ENTREP2: variants seen among roughly 807,000 people sequenced by gnomAD.
The protein encoded by ENTREP2 is protein ENTREP2.
the ENTREP2 span, among the ~76,000 whole-genome samples, chr15:29,416,750 T>C: frequency 2.6e-5 from 4 of 152,198 alleles, no homozygotes; most frequent in African/African-American, 9.7e-5. Context: ...TCTACTCATC[T>C]GACAAAGGGC....
chr15:29,493,123 C>CA, the ENTREP2 span, among the ~76,000 whole-genome samples: 1 of 131,596 alleles, frequency 7.6e-6, no homozygotes, highest in Non-Finnish European at 1.5e-5. Context: ...TCCCTGACAA[C>CA]CCTTTTTTTT....
chr15:29,263,207 C>T, the ENTREP2 span, among the ~76,000 whole-genome samples: 1 of 152,124 alleles, frequency 6.6e-6, no homozygotes, highest in Admixed American at 6.5e-5. Flanking sequence ...TAAAAATCTA[C>T]CCACAAAAAA....
the ENTREP2 span, among the ~76,000 whole-genome samples, chr15:29,231,636 A>C: frequency 6.6e-6 from 1 of 152,132 alleles, no homozygotes; most frequent in Non-Finnish European, 1.5e-5. Context: ...GAGTAGTTAT[A>C]AACAGTAGTC....
chr15:29,132,624 A>G, the ENTREP2 span, among the ~76,000 whole-genome samples: 1 of 152,234 alleles, frequency 6.6e-6, no homozygotes, highest in Non-Finnish European at 1.5e-5. Flanking sequence ...GTTCTGGAGA[A>G]GGGTGTCGCA....
chr15:29,229,196 A>G, the ENTREP2 span, among the ~76,000 whole-genome samples: 2 of 128,066 alleles, frequency 1.6e-5, no homozygotes, highest in South Asian at 6.2e-4. Context: ...ATATGCTTAA[A>G]TAATCATTAG....
At chr15:29,347,515 T>C in the ENTREP2 span, among the ~76,000 whole-genome samples, 1 of 152,136 alleles carries the variant, frequency 6.6e-6, no homozygotes, top group Non-Finnish European at 1.5e-5. Context: ...TTCACTATTT[T>C]TTCTACAGGA....
the ENTREP2 span, among the ~76,000 whole-genome samples, chr15:29,224,602 C>T: frequency 6.6e-6 from 1 of 152,182 alleles, no homozygotes; most frequent in African/African-American, 2.4e-5. Context: ...TAGCTAGATA[C>T]AGAGTGTCCA....
At chr15:29,294,763 C>G in the ENTREP2 span, among the ~76,000 whole-genome samples, 1 of 152,180 alleles carries the variant, frequency 6.6e-6, no homozygotes, top group African/African-American at 2.4e-5. Context: ...TTCTTTTCCA[C>G]AAGGAGATTG....
At chr15:29,636,597 G>C in the ENTREP2 span, among the ~76,000 whole-genome samples, 3 of 152,202 alleles carry the variant, frequency 2.0e-5, no homozygotes, top group Non-Finnish European at 4.4e-5. Flanking sequence ...CAGGACTTTA[G>C]AGAAGCAAGA....
the ENTREP2 span, among the ~76,000 whole-genome samples, chr15:29,417,481 C>T: frequency 4.1e-3 from 619 of 152,084 alleles, 1 homozygote; most frequent in South Asian, 6.4e-3. Context: ...CATCACACAC[C>T]GGGGACTGCT....
At chr15:29,581,643 A>T in the ENTREP2 span, among the ~76,000 whole-genome samples, 2 of 152,198 alleles carry the variant, frequency 1.3e-5, no homozygotes, top group African/African-American at 4.8e-5. Flanking sequence ...AACATAGTAA[A>T]GATGTAAATT....
the ENTREP2 span, among the ~76,000 whole-genome samples, chr15:29,231,572 G>C: frequency 3.9e-5 from 6 of 152,108 alleles, no homozygotes; most frequent in Non-Finnish European, 1.5e-5. Context: ...ATCTCTGATA[G>C]TGATATAGTA....
the ENTREP2 span, among the ~76,000 whole-genome samples, chr15:29,547,747 C>A: frequency 6.6e-6 from 1 of 152,190 alleles, no homozygotes; most frequent in South Asian, 2.1e-4. Flanking sequence ...GGATATATAT[C>A]GAAAAAATGG....
chr15:29,649,743 AAAGAAAGAAAG>A, the ENTREP2 span, among the ~76,000 whole-genome samples: 294 of 150,722 alleles, frequency 2.0e-3, 3 homozygotes, highest in African/African-American at 6.9e-3. Context: ...AAAAAAAAAA[AAAGAAAGAAAG>A]AAAGAAAAAA....
the ENTREP2 span, among the ~76,000 whole-genome samples, chr15:29,166,318 C>A: frequency 1.3e-5 from 2 of 152,124 alleles, no homozygotes; most frequent in African/African-American, 4.8e-5. Flanking sequence ...AAGTCCTAGC[C>A]AGAGTAATCA....
the ENTREP2 span, among the ~76,000 whole-genome samples, chr15:29,672,592 A>G: frequency 6.6e-5 from 10 of 152,088 alleles, no homozygotes; most frequent in South Asian, 4.1e-4. Context: ...TAATTGCCCA[A>G]TGGGCTCTCC....
At chr15:29,149,197 G>T in the ENTREP2 span, among the ~76,000 whole-genome samples, 4 of 152,008 alleles carry the variant, frequency 2.6e-5, no homozygotes, top group Non-Finnish European at 5.9e-5. Context: ...AGCATTTATC[G>T]CAACCGCCAT....
the ENTREP2 span, among the ~76,000 whole-genome samples, chr15:29,309,333 G>A: frequency 0.17 from 26,355 of 152,016 alleles, 3,938 homozygotes; most frequent in African/African-American, 0.41. Flanking sequence ...CCACTGTCGC[G>A]GTAATTAGTT....
the ENTREP2 span, among the ~76,000 whole-genome samples, chr15:29,356,297 T>TATATATATATATA: frequency 2.7e-5 from 1 of 37,462 alleles, no homozygotes; most frequent in African/African-American, 8.9e-5. Context: ...TATATATATA[T>TATATATATATATA]TTTTTTTTTT....
Sources: allele counts gnomAD v4.1 joint callset (sites outside exome capture counted in the v4.1 genomes callset), GRCh38; gene constraint gnomAD v4.1.1; transcripts MANE v1.5; gene names NCBI Gene and HGNC (gene_info 2026-07-23, HGNC 2026-07-21).